CSMD1: variants seen among roughly 807,000 people sequenced by gnomAD.
The protein encoded by CSMD1 is CUB and sushi domain-containing protein 1.
In CSMD1, 213 loss-of-function variants were observed where a neutral mutation model predicts 417.5. The observed-to-expected ratio is 0.51, with a 90% CI of 0.46 to 0.57. CSMD1 has a LOEUF of 0.57. CSMD1 is among the 20% of genes least tolerant of loss of function. The probability of loss-of-function intolerance (pLI) is 0.00; values close to 1 mark genes in which losing one functional copy is unlikely to be tolerated. For missense variants in CSMD1, 6,923 were observed against 4,529.7 expected (o/e 1.53, Z -15.17); for synonymous variants, 2,862 against 1,736.8 (o/e 1.65, Z -16.11).
intron 4 of CSMD1, among the ~76,000 whole-genome samples, chr8:4,002,799 A>G (rs1815794202): frequency 6.6e-6 from 1 of 152,196 alleles, no homozygotes; most frequent in Non-Finnish European, 1.5e-5. Context: ...AAGTTTTAAA[A>G]TATCAACTTA....
intron 1 of CSMD1, among the ~76,000 whole-genome samples, chr8:4,838,879 G>A (rs572035629): frequency 6.6e-5 from 10 of 152,214 alleles, no homozygotes; most frequent in African/African-American, 1.9e-4. Flanking sequence ...GCAATCTTTT[G>A]TTCTACTGCC....
intron 2 of CSMD1, among the ~76,000 whole-genome samples, chr8:4,607,662 T>G (rs1800950383): frequency 6.6e-6 from 1 of 151,994 alleles, no homozygotes; most frequent in African/African-American, 2.4e-5. Flanking sequence ...GGCACTACAC[T>G]TCCAAAAAAT....
chr8:2,951,132 C>T lies in CSMD1; in HGVS notation c.10183G>A (p.Val3395Met), dbSNP rs1328277197. The change falls in exon 66 of 70, where the codon GTG becomes ATG. Residue 3395 changes from valine (V) to methionine (M), a missense_variant. Transcript: ENST00000635120. ...GACCTACCTGTCAACTTCAGCTCCA[C>T]TGGCGAGGCTTCGCTGAAGGTGGCA... ...VNATFSEASP[V>M]ELKLTGIYKK... 2 of 1,613,198 alleles carry T rather than the reference C, an allele frequency of 1.2e-6. No homozygotes were observed. Among genetic ancestry groups the T allele is most frequent in the Non-Finnish European group, 1.7e-6 (2 of 1,179,450 alleles).
chr8:4,924,673 G>C (rs1420697376), intron 1 of CSMD1, among the ~76,000 whole-genome samples: 3 of 116,330 alleles, frequency 2.6e-5, no homozygotes, highest in Non-Finnish European at 4.8e-5. Flanking sequence ...AGTGAGCCGA[G>C]ATCGCACCAT....
intron 5 of CSMD1, among the ~76,000 whole-genome samples, chr8:3,774,664 G>C (rs928522354): frequency 5.3e-5 from 8 of 152,108 alleles, no homozygotes; most frequent in African/African-American, 1.7e-4. Flanking sequence ...CTGGAGACCA[G>C]TGAAAAAATC....
intron 2 of CSMD1, among the ~76,000 whole-genome samples, chr8:4,598,936 G>T (rs868852272): frequency 1.3e-5 from 2 of 152,064 alleles, no homozygotes; most frequent in Non-Finnish European, 2.9e-5. Context: ...AATAATTTCA[G>T]TTGTTTCTAA....
At chr8:3,595,109 A>G (rs887437701) in intron 8 of CSMD1, among the ~76,000 whole-genome samples, 3 of 152,188 alleles carry the variant, frequency 2.0e-5, no homozygotes, top group Non-Finnish European at 4.4e-5. Context: ...TTGTCCTATA[A>G]GGGAGTTTTT....
intron 3 of CSMD1, among the ~76,000 whole-genome samples, chr8:4,251,229 A>C (rs1426033337): frequency 6.6e-6 from 1 of 152,318 alleles, no homozygotes; most frequent in South Asian, 2.1e-4. Flanking sequence ...ACAGCTAACA[A>C]TATATGTTTC....
At chr8:3,227,273 C>T (rs989812471) in intron 27 of CSMD1, among the ~76,000 whole-genome samples, 10 of 151,572 alleles carry the variant, frequency 6.6e-5, no homozygotes, top group African/African-American at 2.2e-4. Context: ...TGGTGGTGGG[C>T]GCCTGTAATC....
intron 1 of CSMD1, among the ~76,000 whole-genome samples, chr8:4,764,241 C>T (rs77274207): frequency 6.6e-5 from 10 of 152,250 alleles, no homozygotes; most frequent in Non-Finnish European, 1.3e-4. Context: ...TCGTATTGTA[C>T]AGAGATTAGG....
intron 6 of CSMD1, among the ~76,000 whole-genome samples, chr8:3,745,388 C>G (rs1797018467): frequency 6.6e-6 from 1 of 152,142 alleles, no homozygotes; most frequent in Non-Finnish European, 1.5e-5. Flanking sequence ...AGGGAACCCT[C>G]TGAGACATTT....
chr8:4,136,591 A>G (rs1362373781), intron 3 of CSMD1, among the ~76,000 whole-genome samples: 1 of 152,220 alleles, frequency 6.6e-6, no homozygotes, highest in Non-Finnish European at 1.5e-5. Flanking sequence ...GAAGATGCCA[A>G]TTCCAGCCAG....
At chr8:4,124,384 A>G (rs1398670275) in intron 3 of CSMD1, among the ~76,000 whole-genome samples, 1 of 143,006 alleles carries the variant, frequency 7.0e-6, no homozygotes, top group African/African-American at 2.6e-5. Context: ...TCCATATCAA[A>G]AAGGAGACAG....
intron 49 of CSMD1, among the ~76,000 whole-genome samples, chr8:3,068,957 C>T (rs1395681141): frequency 6.6e-6 from 1 of 152,032 alleles, no homozygotes; most frequent in East Asian, 1.9e-4. Flanking sequence ...CATGTCTTCC[C>T]AACAGAAGCC....
At chr8:3,314,334 T>G (rs1005335310) in intron 23 of CSMD1, among the ~76,000 whole-genome samples, 23 of 152,212 alleles carry the variant, frequency 1.5e-4, no homozygotes, top group African/African-American at 5.5e-4. Flanking sequence ...TATTTCCATT[T>G]TAATGTGAAT....
chr8:4,301,170 C>G (rs1228614386), intron 3 of CSMD1, among the ~76,000 whole-genome samples: 1 of 152,104 alleles, frequency 6.6e-6, no homozygotes, highest in Non-Finnish European at 1.5e-5. Context: ...GAAAAGAACG[C>G]TCTGGGGCAG....
chr8:3,688,627 A>G (rs1214939647), intron 7 of CSMD1, among the ~76,000 whole-genome samples: 2 of 152,250 alleles, frequency 1.3e-5, no homozygotes, highest in African/African-American at 4.8e-5. Flanking sequence ...CCACTTAGCA[A>G]AAATACAAAT....
At chr8:4,573,801 T>A (rs1799004720) in intron 2 of CSMD1, among the ~76,000 whole-genome samples, 1 of 152,288 alleles carries the variant, frequency 6.6e-6, no homozygotes, top group Admixed American at 6.5e-5. Context: ...CTGCTGCCTT[T>A]CTTTCAGGGA....
rs571984359 is a variant in CSMD1 at position 4,795,252 on chromosome 8, C to CTTTTTTTTTTTTTTTTTTTTTTTTTT, written c.86-157720_86-157695dup. Among the ~76,000 whole-genome samples the CTTTTTTTTTTTTTTTTTTTTTTTTTT allele has an allele frequency of 2.6e-4, 12 of 46,250 alleles. 4 individuals are homozygous for CTTTTTTTTTTTTTTTTTTTTTTTTTT. Among genetic ancestry groups the CTTTTTTTTTTTTTTTTTTTTTTTTTT allele is most frequent in the Admixed American group, 6.8e-4 (2 of 2,930 alleles). 30.3% of individuals were successfully genotyped at this position (46,250 alleles called of 152,430 possible). On this transcript the variant is annotated intron_variant, in intron 1 of 69. Transcript: ENST00000635120. The stretch of plus-strand genomic sequence containing the variant: ...ATTTCTAGGTCTGCTGGTGTCATAG[C>CTTTTTTTTTTTTTTTTTTTTTTTTTT]TTTTTTTTTTTTTTTTTTTTTTTTT...
Sources: gnomAD v4.1 joint callset for allele counts (sites outside exome capture counted in the v4.1 genomes callset) on GRCh38, gnomAD v4.1.1 for gene constraint, MANE v1.5 for transcripts, NCBI Gene and HGNC (gene_info 2026-07-23, HGNC 2026-07-21) for gene names.